Variants in GLT1D1 observed in about 807,000 individuals in gnomAD.
GLT1D1 encodes the protein glycosyltransferase 1 domain-containing protein 1.
In GLT1D1, 21 loss-of-function variants were observed where a neutral mutation model predicts 28.7. The ratio of observed to expected loss-of-function variants is 0.73; its 90% CI spans 0.52 to 1.05. The LOEUF (loss-of-function observed/expected upper bound fraction) is 1.05, where lower values mean the gene tolerates loss of function less well. GLT1D1 is among the 50% of genes least tolerant of loss of function. GLT1D1 has a pLI of 0.00. For synonymous variants in GLT1D1, 147 were observed against 124.8 expected, an observed-to-expected ratio of 1.18 and a Z score of -1.19; for missense variants, 343 against 330.6, an observed-to-expected ratio of 1.04 and a Z score of -0.29.
intron 1 of GLT1D1, among the ~76,000 whole-genome samples, chr12:128,871,036 T>C (rs1214591405): frequency 6.6e-6 from 1 of 151,992 alleles, no homozygotes; most frequent in African/African-American, 2.4e-5. Flanking sequence ...AAACTACCGA[T>C]TGTCTCTATG....
intron 1 of GLT1D1, among the ~76,000 whole-genome samples, chr12:128,866,094 G>T (rs1230124954): frequency 6.9e-6 from 1 of 144,310 alleles, no homozygotes; most frequent in African/African-American, 2.5e-5. Flanking sequence ...TTGAGACAGA[G>T]TCTTGGCTCT....
intron 4 of GLT1D1, among the ~76,000 whole-genome samples, chr12:128,900,953 A>G (rs892698288): frequency 2.0e-5 from 3 of 152,026 alleles, no homozygotes; most frequent in African/African-American, 7.2e-5. Flanking sequence ...TGGACTATCT[A>G]TCTGCCTTCT....
At chr12:128,956,815 T>C (rs1313189483) in intron 6 of GLT1D1, among the ~76,000 whole-genome samples, 1 of 152,256 alleles carries the variant, frequency 6.6e-6, no homozygotes, top group Non-Finnish European at 1.5e-5. Context: ...ATTATTCTTT[T>C]TGAAGTTGCA....
chr12:128,884,142 C>T (rs1798911), intron 2 of GLT1D1, among the ~76,000 whole-genome samples: 30,908 of 152,086 alleles, frequency 0.2, 4,285 homozygotes, highest in African/African-American at 0.39. Context: ...CTATTCAAAA[C>T]AGGCAGGACG....
chr12:128,943,935 G>A (rs926068446), intron 4 of GLT1D1, among the ~76,000 whole-genome samples: 5 of 152,016 alleles, frequency 3.3e-5, no homozygotes, highest in African/African-American at 7.2e-5. Flanking sequence ...GGGAAAATAC[G>A]GAAGCTTTAT....
At chr12:128,944,098 A>T (rs898883402) in intron 4 of GLT1D1, among the ~76,000 whole-genome samples, 18 of 152,256 alleles carry the variant, frequency 1.2e-4, no homozygotes, top group African/African-American at 4.1e-4. Context: ...GAATCTTAGT[A>T]TCTGACTCAT....
intron 1 of GLT1D1, among the ~76,000 whole-genome samples, chr12:128,866,618 CT>C (rs538025804): frequency 0.039 from 5,108 of 130,528 alleles, 272 homozygotes; most frequent in African/African-American, 0.13. Flanking sequence ...CACCTTCAGG[CT>C]TTTTTTTTTT....
intron 7 of GLT1D1, among the ~76,000 whole-genome samples, chr12:128,968,133 C>G (rs978560083): frequency 6.6e-6 from 1 of 152,034 alleles, no homozygotes; most frequent in Non-Finnish European, 1.5e-5. Flanking sequence ...GTAGCTAGGA[C>G]TGCAGGCGCC....
intron 7 of GLT1D1, among the ~76,000 whole-genome samples, chr12:128,959,156 AT>A (rs1488105487): frequency 1.3e-5 from 2 of 151,946 alleles, no homozygotes; most frequent in South Asian, 2.1e-4. Flanking sequence ...TCTTAAAAAA[AT>A]ATTAGGTTTT....
chr12:128,941,934 T>C (rs1875332456), intron 4 of GLT1D1, among the ~76,000 whole-genome samples: 1 of 146,624 alleles, frequency 6.8e-6, no homozygotes, highest in South Asian at 2.2e-4. Flanking sequence ...TTTTTTACTA[T>C]TATTGTTTTT....
Position 128,872,208 on chromosome 12 carries a change from T to C in GLT1D1, c.69-3706T>C, listed in dbSNP as rs1956708638. Among the ~76,000 whole-genome samples, 5 of 152,134 alleles carry C rather than the reference T, an allele frequency of 3.3e-5. No homozygotes were observed. The South Asian group carries it at 1.0e-3, about 32-fold the overall frequency. Reference sequence around the variant, plus strand: ...ATCCGCCTACCTCGGCCTCCCAAAGTGCTGGGATTACAGGCGTGAGCCACC... The same window carrying C: ...ATCCGCCTACCTCGGCCTCCCAAAGCGCTGGGATTACAGGCGTGAGCCACC... On this transcript the variant is annotated intron_variant, in intron 1 of 7. Transcript: ENST00000281703.
intron 6 of GLT1D1, among the ~76,000 whole-genome samples, chr12:128,948,702 G>C (rs1011983958): frequency 7.0e-6 from 1 of 142,654 alleles, no homozygotes; most frequent in Non-Finnish European, 1.6e-5. Context: ...TGGATACCAG[G>C]TGAATGTACT....
chr12:128,955,314 T>G (rs1262200869), intron 6 of GLT1D1, among the ~76,000 whole-genome samples: 1 of 148,778 alleles, frequency 6.7e-6, no homozygotes. Flanking sequence ...ACATACAGTC[T>G]CTTTCTCTCT....
At chr12:128,860,733 T>TTG (rs1313517492) in intron 1 of GLT1D1, among the ~76,000 whole-genome samples, 1 of 151,984 alleles carries the variant, frequency 6.6e-6, no homozygotes, top group Non-Finnish European at 1.5e-5. Flanking sequence ...ATAGACCGTT[T>TTG]TGTGTGTGTG....
intron 7 of GLT1D1, among the ~76,000 whole-genome samples, chr12:128,958,614 A>T (rs1447061144): frequency 7.4e-6 from 1 of 135,826 alleles, no homozygotes; most frequent in East Asian, 2.3e-4. Flanking sequence ...AAAGCTGGGA[A>T]TGGTGCATGC....
At chr12:128,908,361 T>TTTCTTTCCC (rs1555266884) in intron 4 of GLT1D1, among the ~76,000 whole-genome samples, 4 of 119,920 alleles carry the variant, frequency 3.3e-5, no homozygotes, top group African/African-American at 1.2e-4. Context: ...TCTTTCTTTC[T>TTTCTTTCCC]TTTCTTTCTT....
chr12:128,935,693 C>T (rs746355161), intron 4 of GLT1D1, among the ~76,000 whole-genome samples: 3 of 152,068 alleles, frequency 2.0e-5, no homozygotes, highest in Non-Finnish European at 4.4e-5. Context: ...CTGGAAGTCC[C>T]GGCCTCAAAC....
intron 4 of GLT1D1, among the ~76,000 whole-genome samples, chr12:128,928,189 C>T (rs936803221): frequency 3.9e-5 from 6 of 152,006 alleles, no homozygotes; most frequent in African/African-American, 9.7e-5. Flanking sequence ...AAACTTGGCA[C>T]GGTTCCTTCC....
chr12:128,914,964 C>A (rs1156290936), intron 4 of GLT1D1: 2 of 1,536,070 alleles, frequency 1.3e-6, no homozygotes, highest in Non-Finnish European at 8.7e-7. Context: ...CCGCTTTTAA[C>A]TGGAATACCT....
Sources: allele counts gnomAD v4.1 joint callset (sites outside exome capture counted in the v4.1 genomes callset), GRCh38; gene constraint gnomAD v4.1.1; transcripts MANE v1.5; gene names NCBI Gene and HGNC (gene_info 2026-07-23, HGNC 2026-07-21).